Variants in CCDC149 observed in about 807,000 individuals in gnomAD.
CCDC149 encodes the protein coiled-coil domain containing 149.
In CCDC149, 45 loss-of-function variants were observed where a neutral mutation model predicts 59.9. That is an observed-to-expected ratio of 0.75 (90% CI 0.59 to 0.96). CCDC149 has a LOEUF of 0.96. CCDC149 is among the 40% of genes least tolerant of loss of function. CCDC149 has a pLI of 0.00. For missense variants in CCDC149, 584 were observed against 664.7 expected (o/e 0.88, Z 1.33); for synonymous variants, 245 against 260.6 (o/e 0.94, Z 0.58).
intron 1 of CCDC149, among the ~76,000 whole-genome samples, chr4:24,904,206 AC>A (rs1234480032): frequency 1.1e-4 from 16 of 152,240 alleles, no homozygotes; most frequent in Admixed American, 1.0e-3. Flanking sequence ...AAATATGTGC[AC>A]ATTTTAATAT....
intron 1 of CCDC149, among the ~76,000 whole-genome samples, chr4:24,894,736 C>T (rs1033799066): frequency 2.0e-5 from 3 of 151,174 alleles, no homozygotes; most frequent in South Asian, 2.1e-4. Context: ...GATGCCCTTT[C>T]GAACATACAC....
At chr4:24,900,015 C>T (rs1319898326) in intron 1 of CCDC149, among the ~76,000 whole-genome samples, 1 of 152,156 alleles carries the variant, frequency 6.6e-6, no homozygotes, top group African/African-American at 2.4e-5. Context: ...AAATTCTGCC[C>T]AACCTTCCTG....
At chr4:24,899,288 A>G (rs935566197) in intron 1 of CCDC149, among the ~76,000 whole-genome samples, 1 of 152,174 alleles carries the variant, frequency 6.6e-6, no homozygotes, top group Non-Finnish European at 1.5e-5. Flanking sequence ...ATCAAGGTAG[A>G]CTTCACAGTG....
At chr4:24,945,505 A>G (rs949620606) in intron 1 of CCDC149, among the ~76,000 whole-genome samples, 1 of 152,198 alleles carries the variant, frequency 6.6e-6, no homozygotes, top group African/African-American at 2.4e-5. Flanking sequence ...CAGAGCCTTC[A>G]AAGGGAGCAT....
At chr4:24,968,803 G>C (rs770728780) in intron 1 of CCDC149, among the ~76,000 whole-genome samples, 8 of 152,204 alleles carry the variant, frequency 5.3e-5, no homozygotes, top group Non-Finnish European at 1.0e-4. Flanking sequence ...TGTCTATTGG[G>C]GCTTAACCTT....
At chr4:24,906,150 A>C (rs754265734) in intron 1 of CCDC149, among the ~76,000 whole-genome samples, 3 of 152,204 alleles carry the variant, frequency 2.0e-5, no homozygotes, top group Non-Finnish European at 4.4e-5. Context: ...TCTATTTTGG[A>C]GGCAGGCATC....
intron 1 of CCDC149, among the ~76,000 whole-genome samples, chr4:24,925,431 T>C (rs1330025320): frequency 6.6e-6 from 1 of 152,228 alleles, no homozygotes; most frequent in Non-Finnish European, 1.5e-5. Flanking sequence ...AAAGAATTCT[T>C]TTCATCTCGT....
At position 24,864,616 on chromosome 4, in the gene CCDC149, G is replaced by A. The variant is rs150842829; in HGVS notation, c.264+9065C>T. Among the ~76,000 whole-genome samples the A allele has an allele frequency of 4.3e-3, 652 of 152,286 alleles. 5 individuals are homozygous for A. Among genetic ancestry groups the A allele is most frequent in the African/African-American group, 0.015 (627 of 41,548 alleles). The stretch of plus-strand genomic sequence containing the variant: ...AGTGATAAAAAAACTCCGGTCTCCC[G>A]TTCAGCTGGCCCTGCGTGAATTAAA... On this transcript the variant is annotated intron_variant, in intron 3 of 12. Transcript: ENST00000635206.
At chr4:24,824,194 G>T (rs1339339972) in intron 9 of CCDC149, among the ~76,000 whole-genome samples, 1 of 152,192 alleles carries the variant, frequency 6.6e-6, no homozygotes, top group Admixed American at 6.5e-5. Flanking sequence ...GATGTTTCGG[G>T]ATAACACAGC....
intron 1 of CCDC149, among the ~76,000 whole-genome samples, chr4:24,881,546 G>GA (rs1164842144): frequency 1.3e-5 from 2 of 152,150 alleles, no homozygotes. Flanking sequence ...GTGTGATCCA[G>GA]AAAAAAATTA....
chr4:24,812,180 C>T (rs939842233), intron 12 of CCDC149, among the ~76,000 whole-genome samples: 1 of 152,160 alleles, frequency 6.6e-6, no homozygotes, highest in African/African-American at 2.4e-5. Context: ...AGTCATTTTG[C>T]CATATAAGGT....
intron 1 of CCDC149, among the ~76,000 whole-genome samples, chr4:24,886,087 T>C (rs948623447): frequency 2.0e-5 from 3 of 152,234 alleles, no homozygotes; most frequent in African/African-American, 7.2e-5. Flanking sequence ...TTATCCTTCA[T>C]CACAAAGGTA....
chr4:24,837,518 A>G lies in CCDC149; in HGVS notation c.490-118T>C, dbSNP rs1266260502. ...TAGAGAGTTTATTAACACTACCCGC[A>G]TGCCCTAAAGCCATAAGCGCCACAC... On this transcript the variant is annotated intron_variant, in intron 5 of 12. Coordinates refer to ENST00000635206, the MANE Select transcript of CCDC149 (RefSeq NM_001330643.2). The surrounding 1 kb of genome is among the most constrained non-coding windows in gnomAD (Gnocchi z 4.3). 1 of 892,712 alleles carries G rather than the reference A, an allele frequency of 1.1e-6. No homozygotes were observed. Among genetic ancestry groups the G allele is most frequent in the Non-Finnish European group, 1.7e-6 (1 of 578,942 alleles). The allele number at this position is 892,712 out of a possible 1,614,324, so 55.3% of individuals were successfully genotyped here.
At chr4:24,895,254 G>C in intron 1 of CCDC149, 1 of 580,678 alleles carries the variant, frequency 1.7e-6, no homozygotes, top group South Asian at 2.1e-5. Context: ...GGATGCTCTA[G>C]AACTTGCTCT....
intron 12 of CCDC149, among the ~76,000 whole-genome samples, chr4:24,814,929 T>C (rs1714916740): frequency 6.6e-6 from 1 of 152,216 alleles, no homozygotes; most frequent in Middle Eastern, 3.2e-3. Context: ...TTCTCTCTTG[T>C]ATGTCCCAGG....
intron 9 of CCDC149, among the ~76,000 whole-genome samples, chr4:24,824,560 A>G (rs1440184694): frequency 6.6e-6 from 1 of 152,162 alleles, no homozygotes; most frequent in Non-Finnish European, 1.5e-5. Context: ...CTCCTTTTAC[A>G]TGTGGACTGT....
chr4:24,900,963 T>C (rs920460638), intron 1 of CCDC149, among the ~76,000 whole-genome samples: 5 of 152,118 alleles, frequency 3.3e-5, no homozygotes, highest in Non-Finnish European at 7.4e-5. Context: ...AAGGTCAGCA[T>C]GAAGAGGCTC....
chr4:24,965,480 C>T (rs756753446), intron 1 of CCDC149, among the ~76,000 whole-genome samples: 36 of 150,788 alleles, frequency 2.4e-4, no homozygotes, highest in Non-Finnish European at 3.8e-4. Flanking sequence ...TTGAAGTTAA[C>T]GACAGAAAAA....
intron 12 of CCDC149, among the ~76,000 whole-genome samples, chr4:24,813,041 C>A (rs1714734387): frequency 6.6e-6 from 1 of 152,072 alleles, no homozygotes; most frequent in Non-Finnish European, 1.5e-5. Flanking sequence ...GGCCCTAATC[C>A]CCAGTGTGAT....
Sources: allele counts gnomAD v4.1 joint callset (sites outside exome capture counted in the v4.1 genomes callset), GRCh38; gene constraint gnomAD v4.1.1; non-coding constraint Gnocchi (gnomAD v3.1); transcripts MANE v1.5; gene names NCBI Gene and HGNC (gene_info 2026-07-23, HGNC 2026-07-21).